Variants in AP4E1 observed in about 807,000 individuals in gnomAD.
The protein encoded by AP4E1 is adaptor related protein complex 4 subunit epsilon 1.
AP4E1 carries 56 observed loss-of-function variants against 128.2 expected under a neutral mutation model. The ratio of observed to expected loss-of-function variants is 0.44; its 90% CI spans 0.35 to 0.55. The LOEUF is 0.55. Among genes scored for constraint, AP4E1 ranks in the 20% least tolerant of loss-of-function variants. AP4E1 has a pLI of 0.00. For synonymous variants in AP4E1, 484 were observed against 473.1 expected, an observed-to-expected ratio of 1.02 and a Z score of -0.30; for missense variants, 1,324 against 1,307.7, an observed-to-expected ratio of 1.01 and a Z score of -0.19.
chr15:50,968,213 A>G (rs1234503157), intron 14 of AP4E1, 50 bp from the exon 15 acceptor site: 1 of 1,203,790 alleles, frequency 8.3e-7, no homozygotes, highest in South Asian at 1.3e-5. Context: ...TATATAATCT[A>G]CTTAGGATAA....
intron 14 of AP4E1, among the ~76,000 whole-genome samples, chr15:50,961,519 C>G (rs961040484): frequency 1.3e-5 from 2 of 151,982 alleles, no homozygotes; most frequent in Admixed American, 1.3e-4. Flanking sequence ...ATGATCATCT[C>G]AATAGATGCA....
intron 18 of AP4E1, 47 bp from the exon 19 acceptor site, chr15:50,999,025 G>A (rs1034398570): frequency 6.4e-7 from 1 of 1,555,234 alleles, no homozygotes; most frequent in African/African-American, 1.4e-5. Flanking sequence ...GTAATAGTCT[G>A]TATTGATCCC....
At chr15:50,986,272 C>T in intron 16 of AP4E1, among the ~76,000 whole-genome samples, 1 of 152,118 alleles carries the variant, frequency 6.6e-6, no homozygotes, top group East Asian at 1.9e-4. Flanking sequence ...ATTTGACTTC[C>T]TCTTTTCCTG....
intron 16 of AP4E1, among the ~76,000 whole-genome samples, chr15:50,989,703 G>A (rs1197166569): frequency 2.0e-5 from 3 of 152,228 alleles, no homozygotes; most frequent in South Asian, 4.2e-4. Context: ...TGCACAACAG[G>A]TGACAGCATC....
chr15:50,982,781 A>G (rs2064661265), intron 15 of AP4E1, among the ~76,000 whole-genome samples: 1 of 152,170 alleles, frequency 6.6e-6, no homozygotes, highest in South Asian at 2.1e-4. Flanking sequence ...GGAATAGGTG[A>G]TATTTCCTTT....
intron 16 of AP4E1, among the ~76,000 whole-genome samples, chr15:50,988,907 C>T (rs754181571): frequency 3.3e-5 from 5 of 152,016 alleles, no homozygotes; most frequent in Admixed American, 6.6e-5. Context: ...TATTTGGAGC[C>T]GAATTTCATC....
At chr15:50,919,112 C>A (rs1443933376) in intron 3 of AP4E1, among the ~76,000 whole-genome samples, 1 of 151,968 alleles carries the variant, frequency 6.6e-6, no homozygotes, top group Non-Finnish European at 1.5e-5. Flanking sequence ...TGCCTGTAGT[C>A]CCAGCTACTA....
At chr15:50,972,136 G>A (rs1370743513) in intron 15 of AP4E1, among the ~76,000 whole-genome samples, 3 of 152,154 alleles carry the variant, frequency 2.0e-5, no homozygotes, top group African/African-American at 7.2e-5. Flanking sequence ...GGTCTTATTT[G>A]TATAAATGTT....
intron 1 of AP4E1, among the ~76,000 whole-genome samples, chr15:50,911,541 G>GC (rs1453848788): frequency 2.1e-4 from 31 of 147,024 alleles, no homozygotes; most frequent in African/African-American, 7.1e-4. Flanking sequence ...GGAGTGCAGT[G>GC]GTACGATCTC....
chr15:50,938,012 A>G (rs562602101), intron 8 of AP4E1, among the ~76,000 whole-genome samples: 1 of 152,318 alleles, frequency 6.6e-6, no homozygotes, highest in East Asian at 1.9e-4. Flanking sequence ...AAAGCCATCA[A>G]AAGTAGGTAG....
Position 51,002,688 on chromosome 15 carries a change from A to AT in AP4E1, c.*27dup. The AT allele has an allele frequency of 6.2e-7, 1 of 1,613,458 alleles. No homozygotes were observed. The highest frequency in any genetic ancestry group is 8.5e-7 in the Non-Finnish European group (1 of 1,179,634). On this transcript the variant is annotated 3_prime_UTR_variant, in exon 21 of 21. Coordinates refer to ENST00000261842, the MANE Select transcript of AP4E1 (RefSeq NM_007347.5). ...CAGAAGCCCTGCTAAATTTTACTCC[A>AT]TCAAGATCAATGGTTTACATAGATA...
intron 15 of AP4E1, among the ~76,000 whole-genome samples, chr15:50,980,132 G>A (rs2064622232): frequency 2.0e-5 from 3 of 152,284 alleles, no homozygotes; most frequent in South Asian, 4.2e-4. Flanking sequence ...AGAAATATGG[G>A]CTTCACTGTC....
At chr15:50,977,711 T>TTTTTTG (rs2064574614) in intron 15 of AP4E1, among the ~76,000 whole-genome samples, 2 of 85,130 alleles carry the variant, frequency 2.3e-5, no homozygotes, top group African/African-American at 3.3e-5. Context: ...TTATGGTTTT[T>TTTTTTG]TTTTTTTTTT....
rs777315634 is a variant in AP4E1, at chr15:50,912,160, A to G, written c.222+11A>G. 6 of 1,609,598 alleles carry G rather than the reference A, an allele frequency of 3.7e-6. No homozygotes were observed. The highest frequency in any genetic ancestry group is 2.2e-5 in the East Asian group (1 of 44,800). On this transcript the variant is annotated intron_variant, in intron 2 of 20. Transcript: ENST00000261842. ...CCTACTACAACACTGGTAGGTTTGC[A>G]TAGTCAGTGCCAACACATTTGAATT...
At chr15:50,915,315 A>C (rs1303494204) in intron 2 of AP4E1, 133 bp from the exon 3 acceptor site, 5 of 907,364 alleles carry the variant, frequency 5.5e-6, no homozygotes, top group Non-Finnish European at 8.3e-6. Flanking sequence ...ATATTGGGTG[A>C]TTAATTTGTA....
chr15:50,944,692 A>T, intron 10 of AP4E1: 1 of 475,122 alleles, frequency 2.1e-6, no homozygotes, highest in Admixed American at 3.2e-5. Context: ...CAGAATCTGG[A>T]CAATTATGTC....
intron 6 of AP4E1, 144 bp from the exon 7 acceptor site, chr15:50,930,661 A>G: frequency 1.2e-6 from 1 of 815,504 alleles, no homozygotes; most frequent in Non-Finnish European, 1.9e-6. Context: ...CATGGAAGAT[A>G]TTATACATAT....
At chr15:50,951,705 T>A (rs2064152130) in intron 13 of AP4E1, among the ~76,000 whole-genome samples, 1 of 151,716 alleles carries the variant, frequency 6.6e-6, no homozygotes, top group African/African-American at 2.4e-5. Context: ...TTTAGTTTAG[T>A]TTTTTCAGTT....
chr15:50,964,632 G>C (rs180686350), intron 14 of AP4E1, among the ~76,000 whole-genome samples: 63 of 152,132 alleles, frequency 4.1e-4, no homozygotes, highest in Admixed American at 8.5e-4. Flanking sequence ...AGTAGGGAAA[G>C]ACCTCTCCCT....
Sources: allele counts gnomAD v4.1 joint callset (sites outside exome capture counted in the v4.1 genomes callset), GRCh38; gene constraint gnomAD v4.1.1; transcripts MANE v1.5; gene names NCBI Gene and HGNC (gene_info 2026-07-23, HGNC 2026-07-21).